Variants in SCLT1 observed in about 807,000 individuals in gnomAD.
The protein encoded by SCLT1 is sodium channel-associated protein 1.
In SCLT1, 78 loss-of-function variants were observed where a neutral mutation model predicts 112.8. The observed-to-expected ratio is 0.69, with a 90% CI of 0.58 to 0.83. The LOEUF (loss-of-function observed/expected upper bound fraction) is 0.83. Ranked by LOEUF, SCLT1 falls within the 40% of genes least tolerant of loss-of-function variation. The probability of loss-of-function intolerance (pLI) is 0.00; values close to 1 mark genes in which losing one functional copy is unlikely to be tolerated. For missense variants in SCLT1, 747 were observed against 770.4 expected (o/e 0.97, Z 0.36); for synonymous variants, 257 against 254.7 (o/e 1.01, Z -0.09).
intron 7 of SCLT1, 69 bp downstream of exon 7, chr4:128,999,603 C>T: frequency 2.5e-6 from 3 of 1,221,146 alleles, no homozygotes; most frequent in Non-Finnish European, 3.5e-6. Context: ...AAGCGTTCCC[C>T]TCTAAAACAG....
chr4:128,962,478 T>A (rs1739824396), intron 11 of SCLT1, among the ~76,000 whole-genome samples: 1 of 152,212 alleles, frequency 6.6e-6, no homozygotes, highest in South Asian at 2.1e-4. Context: ...ATCTGGCTTT[T>A]GTTCTTCCTT....
At chr4:128,975,195 C>T (rs533640273) in intron 9 of SCLT1, among the ~76,000 whole-genome samples, 5 of 151,734 alleles carry the variant, frequency 3.3e-5, no homozygotes, top group South Asian at 4.2e-4. Context: ...CCCACCACCA[C>T]GCCTGGCTAA....
At chr4:128,979,458 T>C (rs1348894946) in intron 9 of SCLT1, among the ~76,000 whole-genome samples, 1 of 152,146 alleles carries the variant, frequency 6.6e-6, no homozygotes, top group Non-Finnish European at 1.5e-5. Flanking sequence ...GAAGGTGTCA[T>C]GTATAATCAG....
chr4:128,974,395 G>C (rs1026074875), intron 9 of SCLT1, among the ~76,000 whole-genome samples: 9 of 151,646 alleles, frequency 5.9e-5, no homozygotes, highest in Admixed American at 2.6e-4. Context: ...GCCAGGCTAG[G>C]CTATGTGATC....
At chr4:129,014,058 G>T (rs1446946956) in intron 5 of SCLT1, among the ~76,000 whole-genome samples, 1 of 152,082 alleles carries the variant, frequency 6.6e-6, no homozygotes, top group Non-Finnish European at 1.5e-5. Context: ...CAGAAATCCA[G>T]TCTTCAAACT....
intron 5 of SCLT1, among the ~76,000 whole-genome samples, chr4:129,016,793 T>C (rs1050783947): frequency 6.6e-6 from 1 of 152,232 alleles, no homozygotes; most frequent in African/African-American, 2.4e-5. Flanking sequence ...TTTCTATTCC[T>C]GGCCTTTGCC....
chr4:128,987,496 G>T (rs1224899267), intron 9 of SCLT1, among the ~76,000 whole-genome samples: 1 of 152,096 alleles, frequency 6.6e-6, no homozygotes, highest in Non-Finnish European at 1.5e-5. Flanking sequence ...ATTTGACAAA[G>T]ATTGAAATAA....
intron 4 of SCLT1, among the ~76,000 whole-genome samples, chr4:129,043,071 C>A (rs1441656414): frequency 3.4e-5 from 5 of 148,254 alleles, no homozygotes; most frequent in African/African-American, 1.2e-4. Context: ...GATTCCATCT[C>A]AAAAAAAAGA....
intron 3 of SCLT1, among the ~76,000 whole-genome samples, chr4:128,877,680 CAA>C (rs1005523185): frequency 7.8e-6 from 1 of 128,030 alleles, no homozygotes. Context: ...GACTCGGTCT[CAA>C]AAAAAAAAAA....
chr4:129,044,641 A>G (rs1244901930), intron 2 of SCLT1, among the ~76,000 whole-genome samples: 1 of 151,950 alleles, frequency 6.6e-6, no homozygotes, highest in Non-Finnish European at 1.5e-5. Flanking sequence ...CTAAACAAAC[A>G]TGGTACTATA....
chr4:128,938,072 T>C (rs2125983693), intron 17 of SCLT1, among the ~76,000 whole-genome samples: 1 of 152,300 alleles, frequency 6.6e-6, no homozygotes, highest in African/African-American at 2.4e-5. Flanking sequence ...CCATCTATAT[T>C]TTGCTATACT....
chr4:129,043,990 T>G lies in SCLT1; in HGVS notation c.161+3A>C. The G allele has an allele frequency of 7.0e-7, 1 of 1,426,328 alleles. No homozygotes were observed. The allele number at this position is 1,426,328 out of a possible 1,614,324, so 88.4% of individuals were successfully genotyped here. On this transcript the variant is annotated splice_donor_region_variant and intron_variant, in intron 3 of 20. Coordinates refer to ENST00000281142, the MANE Select transcript of SCLT1 (RefSeq NM_144643.4). ...AAATGATATTATTCTGGTAATACTT[T>G]ACCTTTGGTCAAATACTAGGTTTTC...
At chr4:128,924,166 G>A (rs1433223017) in intron 18 of SCLT1, among the ~76,000 whole-genome samples, 6 of 151,772 alleles carry the variant, frequency 4.0e-5, no homozygotes, top group African/African-American at 1.5e-4. Flanking sequence ...AAAAAATCAA[G>A]TACTTTGTCA....
At chr4:128,938,628 C>T (rs1737413106) in intron 17 of SCLT1, among the ~76,000 whole-genome samples, 1 of 152,164 alleles carries the variant, frequency 6.6e-6, no homozygotes. Context: ...GGTCTAACAT[C>T]TCAGGTGGAA....
chr4:129,039,259 A>C, intron 4 of SCLT1, 163 bp from the exon 5 acceptor site: 1 of 549,038 alleles, frequency 1.8e-6, no homozygotes, highest in Non-Finnish European at 3.3e-6. Context: ...TAATTTACTA[A>C]TAAACAGAAC....
At chr4:128,985,084 T>C (rs1741970728) in intron 9 of SCLT1, among the ~76,000 whole-genome samples, 1 of 152,194 alleles carries the variant, frequency 6.6e-6, no homozygotes, top group South Asian at 2.1e-4. Flanking sequence ...TTCCACAGGA[T>C]GTAATTATCA....
chr4:129,039,818 A>G (rs1036393205), intron 4 of SCLT1: 4 of 185,810 alleles, frequency 2.2e-5, no homozygotes. Flanking sequence ...GTTGGCGAAA[A>G]TATGAGTAAA....
intron 4 of SCLT1, among the ~76,000 whole-genome samples, chr4:128,875,489 G>A (rs1298540054): frequency 2.6e-5 from 4 of 152,066 alleles, no homozygotes; most frequent in Non-Finnish European, 5.9e-5. Context: ...AAACAGAATC[G>A]TTGAAACAAC....
chr4:128,957,830 C>T (rs1460283047), intron 12 of SCLT1, among the ~76,000 whole-genome samples: 1 of 152,076 alleles, frequency 6.6e-6, no homozygotes, highest in East Asian at 1.9e-4. Context: ...TATTTACTTT[C>T]CTCTCCTTGT....
Sources: gnomAD v4.1 joint callset for allele counts (sites outside exome capture counted in the v4.1 genomes callset) on GRCh38, gnomAD v4.1.1 for gene constraint, MANE v1.5 for transcripts, NCBI Gene and HGNC (gene_info 2026-07-23, HGNC 2026-07-21) for gene names.